The following CCSER1 variants were observed in gnomAD, a reference collection of about 807,000 sequenced individuals.
The protein encoded by CCSER1 is serine-rich coiled-coil domain-containing protein 1.
In CCSER1, 41 loss-of-function variants were observed where a neutral mutation model predicts 82.0. The ratio of observed to expected loss-of-function variants is 0.50; its 90% CI spans 0.39 to 0.65. The LOEUF (loss-of-function observed/expected upper bound fraction) is 0.65, where lower values mean the gene tolerates loss of function less well. Among genes scored for constraint, CCSER1 ranks in the 30% least tolerant of loss-of-function variants. CCSER1 has a pLI of 0.00. For synonymous variants in CCSER1, 414 were observed against 383.9 expected (o/e 1.08, Z -0.92); for missense variants, 1,119 against 1,064.2 (o/e 1.05, Z -0.72).
chr4:90,614,793 G>A (rs576795553), intron 5 of CCSER1, among the ~76,000 whole-genome samples: 1 of 152,294 alleles, frequency 6.6e-6, no homozygotes, highest in East Asian at 1.9e-4. Flanking sequence ...TAGAAGCACA[G>A]AAAGTTATCC....
chr4:90,665,244 A>G (rs1486143011), intron 6 of CCSER1, among the ~76,000 whole-genome samples: 1 of 151,948 alleles, frequency 6.6e-6, no homozygotes, highest in Non-Finnish European at 1.5e-5. Flanking sequence ...TATGTCATGT[A>G]TTTTCTGCGC....
intron 8 of CCSER1, among the ~76,000 whole-genome samples, chr4:90,853,653 A>C (rs974395912): frequency 1.9e-4 from 29 of 152,194 alleles, no homozygotes; most frequent in Non-Finnish European, 4.1e-4. Flanking sequence ...AATTAAAACA[A>C]CTTCAAAATG....
intron 10 of CCSER1, among the ~76,000 whole-genome samples, chr4:91,507,020 G>A (rs992712432): frequency 2.6e-5 from 4 of 151,992 alleles, no homozygotes; most frequent in Admixed American, 2.0e-4. Context: ...AACATTTTAT[G>A]TATCATTACT....
intron 10 of CCSER1, among the ~76,000 whole-genome samples, chr4:91,467,559 C>A (rs1191282580): frequency 3.3e-5 from 5 of 152,108 alleles, no homozygotes; most frequent in African/African-American, 1.2e-4. Flanking sequence ...TCAGAGTGAA[C>A]AGGCAACCTA....
intron 4 of CCSER1, among the ~76,000 whole-genome samples, chr4:90,414,814 A>C (rs979551175): frequency 6.6e-6 from 1 of 152,224 alleles, no homozygotes; most frequent in East Asian, 1.9e-4. Flanking sequence ...ACAGTGAAGT[A>C]TATGTTATGA....
chr4:91,177,846 TCTC>T (rs1416072356), intron 10 of CCSER1, among the ~76,000 whole-genome samples: 2 of 152,192 alleles, frequency 1.3e-5, no homozygotes, highest in Non-Finnish European at 2.9e-5. Flanking sequence ...TTTCTTGCCT[TCTC>T]CTAGCTTTTG....
intron 5 of CCSER1, among the ~76,000 whole-genome samples, chr4:90,494,810 A>G (rs898849394): frequency 3.3e-5 from 5 of 152,056 alleles, no homozygotes; most frequent in Admixed American, 3.3e-4. Flanking sequence ...CAACATATAC[A>G]CTTTTACAAC....
chr4:90,257,850 T>C (rs918027141), intron 1 of CCSER1, among the ~76,000 whole-genome samples: 2 of 152,144 alleles, frequency 1.3e-5, no homozygotes, highest in African/African-American at 4.8e-5. Context: ...TTTTATTCTA[T>C]TCAGGCCATC....
chr4:90,796,598 T>C (rs773235759), intron 7 of CCSER1, among the ~76,000 whole-genome samples: 9 of 152,094 alleles, frequency 5.9e-5, no homozygotes, highest in Non-Finnish European at 1.2e-4. Flanking sequence ...GAGATCTTTC[T>C]AACTTTTTGA....
intron 5 of CCSER1, among the ~76,000 whole-genome samples, chr4:90,473,719 G>A (rs1340717218): frequency 6.6e-6 from 1 of 152,044 alleles, no homozygotes; most frequent in Non-Finnish European, 1.5e-5. Context: ...CTCTCTCTAA[G>A]GTCACCTCTT....
At chr4:90,281,109 T>C (rs1728765906) in intron 1 of CCSER1, among the ~76,000 whole-genome samples, 1 of 152,010 alleles carries the variant, frequency 6.6e-6, no homozygotes, top group Admixed American at 6.6e-5. Context: ...AAGAATTTCT[T>C]AGCCATAAAA....
chr4:91,392,638 T>C (rs2149351295), intron 10 of CCSER1, among the ~76,000 whole-genome samples: 1 of 152,230 alleles, frequency 6.6e-6, no homozygotes, highest in South Asian at 2.1e-4. Context: ...TTAGCTCATT[T>C]GCACAGTTAC....
At chr4:90,659,555 G>A (rs1443963788) in intron 6 of CCSER1, among the ~76,000 whole-genome samples, 4 of 151,962 alleles carry the variant, frequency 2.6e-5, no homozygotes, top group South Asian at 2.1e-4. Context: ...TCCAAACCAT[G>A]TATTGTGGGC....
intron 4 of CCSER1, among the ~76,000 whole-genome samples, chr4:90,428,476 A>G (rs982773748): frequency 1.3e-5 from 2 of 151,942 alleles, no homozygotes; most frequent in Non-Finnish European, 2.9e-5. Flanking sequence ...ACAGTCAACT[A>G]ACATGTATTT....
At chr4:90,171,491 T>G (rs1229000516) in intron 1 of CCSER1, among the ~76,000 whole-genome samples, 1 of 151,976 alleles carries the variant, frequency 6.6e-6, no homozygotes, top group Non-Finnish European at 1.5e-5. Context: ...CACACCCTGA[T>G]TAATTTGGAT....
At chr4:90,251,662 A>T (rs1722403830) in intron 1 of CCSER1, among the ~76,000 whole-genome samples, 1 of 151,796 alleles carries the variant, frequency 6.6e-6, no homozygotes, top group African/African-American at 2.4e-5. Flanking sequence ...ATAATAAAAG[A>T]CATTGTTCTT....
intron 10 of CCSER1, among the ~76,000 whole-genome samples, chr4:91,164,698 A>T (rs967146398): frequency 4.6e-5 from 7 of 152,070 alleles, no homozygotes; most frequent in African/African-American, 1.4e-4. Context: ...CATCACTGAT[A>T]CCCTTTCTTC....
At chr4:90,542,707 T>G (rs991318980) in intron 5 of CCSER1, among the ~76,000 whole-genome samples, 3 of 152,118 alleles carry the variant, frequency 2.0e-5, no homozygotes, top group Admixed American at 2.0e-4. Flanking sequence ...AAAGTATAAA[T>G]GTTGTTGTTG....
chr4:90,175,833 G>A (rs1193837018), intron 1 of CCSER1, among the ~76,000 whole-genome samples: 3 of 151,962 alleles, frequency 2.0e-5, no homozygotes, highest in South Asian at 2.1e-4. Context: ...AGTAAGTGCA[G>A]TAGCTACTCA....
Sources: allele counts gnomAD v4.1 joint callset (sites outside exome capture counted in the v4.1 genomes callset), GRCh38; gene constraint gnomAD v4.1.1; transcripts MANE v1.5; gene names NCBI Gene and HGNC (gene_info 2026-07-23, HGNC 2026-07-21).